DOP1A: variants seen among roughly 807,000 people sequenced by gnomAD.
DOP1A encodes protein DOP1A.
A neutral mutation model predicts 267.6 loss-of-function variants in DOP1A; 90 were observed. The observed-to-expected ratio is 0.34, with a 90% CI of 0.28 to 0.40. The LOEUF (loss-of-function observed/expected upper bound fraction) is 0.40. Among genes scored for constraint, DOP1A ranks in the 10% least tolerant of loss-of-function variants. The pLI, the probability that DOP1A is intolerant of heterozygous loss-of-function variation, is 1.00. For synonymous variants in DOP1A, 932 were observed against 999.1 expected (o/e 0.93, Z 1.27); for missense variants, 2,437 against 2,900.4 (o/e 0.84, Z 3.67).
intron 18 of DOP1A, among the ~76,000 whole-genome samples, chr6:83,132,844 T>G (rs1778293466): frequency 6.6e-6 from 1 of 152,200 alleles, no homozygotes; most frequent in African/African-American, 2.4e-5. Context: ...CAGTTAAAGG[T>G]GGCTGAGAAT....
At chr6:83,105,798 G>A (rs1773511549) in intron 4 of DOP1A, among the ~76,000 whole-genome samples, 1 of 152,140 alleles carries the variant, frequency 6.6e-6, no homozygotes, top group Admixed American at 6.5e-5. Context: ...TCTAATAATT[G>A]GTAGATTTTC....
chr6:83,083,278 C>T (rs1462460154), intron 1 of DOP1A, among the ~76,000 whole-genome samples: 3 of 151,930 alleles, frequency 2.0e-5, no homozygotes, highest in Non-Finnish European at 4.4e-5. Flanking sequence ...GGAAGAATAA[C>T]ATATGTATTT....
chr6:83,143,269 G>A (rs1484358904), intron 24 of DOP1A, among the ~76,000 whole-genome samples: 1 of 152,134 alleles, frequency 6.6e-6, no homozygotes, highest in Non-Finnish European at 1.5e-5. Flanking sequence ...AAGTGTGGTG[G>A]CATTTGCCTG....
Position 83,130,480 on chromosome 6 carries a change from T to C in DOP1A, c.2616+83T>C, listed in dbSNP as rs1777844866. 7 of 1,493,288 alleles carry C rather than the reference T, an allele frequency of 4.7e-6. No homozygotes were observed. The East Asian group carries it at 1.4e-4, about 29-fold the overall frequency. The allele number at this position is 1,493,288 out of a possible 1,614,324, so 92.5% of individuals were successfully genotyped here. ...ACCTAGTTTGCTTTAAGAATTATTT[T>C]TTAAATGTTAATAAAGCTTCATTTA... On this transcript the variant is annotated intron_variant, in intron 17 of 38. Transcript: ENST00000349129.
chr6:83,085,153 T>C (rs1768869728), intron 1 of DOP1A, among the ~76,000 whole-genome samples: 1 of 152,224 alleles, frequency 6.6e-6, no homozygotes, highest in African/African-American at 2.4e-5. Context: ...TTATTTTTCT[T>C]CTACAAAGCT....
At chr6:83,170,218 A>C, downstream of DOP1A, 23 of 1,228,500 alleles carry the variant, frequency 1.9e-5, no homozygotes, top group South Asian at 2.9e-4. Flanking sequence ...CTTAATCATC[A>C]TAGTGAGATT....
chr6:83,136,845 T>C (rs1778936730), intron 20 of DOP1A, among the ~76,000 whole-genome samples: 1 of 152,128 alleles, frequency 6.6e-6, no homozygotes, highest in Non-Finnish European at 1.5e-5. Flanking sequence ...TATGTACTAC[T>C]TTGTATGTCA....
intron 1 of DOP1A, chr6:83,072,998 T>A: frequency 2.7e-6 from 1 of 374,512 alleles, no homozygotes; most frequent in South Asian, 2.0e-5. Flanking sequence ...TTAAAGTTAG[T>A]CTCTGACATT....
intron 20 of DOP1A, among the ~76,000 whole-genome samples, chr6:83,136,755 A>T (rs1778920618): frequency 6.6e-6 from 1 of 152,000 alleles, no homozygotes; most frequent in South Asian, 2.1e-4. Context: ...TGTCTGCTGA[A>T]TTCTCACCTC....
At position 83,168,114 on chromosome 6, in the gene DOP1A, A is replaced by G; in HGVS notation, c.7345A>G (p.Lys2449Glu). The G allele has an allele frequency of 1.2e-6, 2 of 1,614,068 alleles. No homozygotes were observed. Among genetic ancestry groups the G allele is most frequent in the Non-Finnish European group, 1.7e-6 (2 of 1,180,014 alleles). ...HKPCSSKARQ[K>E]IEEMVEKDFL... ...ACCATGTTCCAGCAAAGCCAGGCAA[A>G]AAATAGAAGAGATGGTAGAAAAAGA... Residue 2449 changes from lysine to glutamate, a missense_variant, in exon 39 of 39, where the codon AAA (lysine) becomes GAA (glutamate). Around this residue, in one of 9 missense-constraint regions of DOP1A, gnomAD observed 197 missense variants for 246.5 expected, o/e 0.80. Transcript: ENST00000349129.
Position 83,100,896 on chromosome 6 carries a change from A to C in DOP1A, c.320+10A>C, listed in dbSNP as rs1290383553. ...ATCTTTTTTTATATAGGTAAGAATA[A>C]TTTTACTATATATATACAAATAATA... is the stretch of plus-strand genomic sequence containing the variant. On this transcript the variant is annotated intron_variant, in intron 4 of 38. Transcript: ENST00000349129. 6.9e-7 allele frequency: 1 copy of C among 1,449,752 alleles called. No homozygotes were observed. Among genetic ancestry groups the C allele is most frequent in the Non-Finnish European group, 9.2e-7 (1 of 1,081,482 alleles). The allele number at this position is 1,449,752 out of a possible 1,614,324, so 89.8% of individuals were successfully genotyped here. A position where few individuals can be genotyped will look rare whatever the true frequency, so the allele number is the denominator to read the frequency against.
intron 24 of DOP1A, 89 bp from the exon 25 acceptor site, chr6:83,145,435 A>G: frequency 1.7e-6 from 2 of 1,190,128 alleles, no homozygotes; most frequent in Non-Finnish European, 1.1e-6. Flanking sequence ...AAATATAAAA[A>G]AAGAAGAGAT....
chr6:83,117,728 A>C (rs1472565556), intron 7 of DOP1A, among the ~76,000 whole-genome samples: 2 of 152,184 alleles, frequency 1.3e-5, no homozygotes, highest in Non-Finnish European at 2.9e-5. Context: ...TTTATTTGTT[A>C]TGAATATGAA....
intron 31 of DOP1A, 30 bp downstream of exon 31, chr6:83,153,650 A>C: frequency 6.7e-7 from 1 of 1,494,514 alleles, no homozygotes; most frequent in South Asian, 1.3e-5. Context: ...AGTTTTTAAA[A>C]TTAATTCATA....
At chr6:83,142,529 AAAAAT>A (rs1469487545) in intron 24 of DOP1A, among the ~76,000 whole-genome samples, 5 of 152,104 alleles carry the variant, frequency 3.3e-5, no homozygotes, top group African/African-American at 9.7e-5. Flanking sequence ...AAATAAAGAT[AAAAAT>A]AAAATAAAAT....
At position 83,151,594 on chromosome 6, in the gene DOP1A, G is replaced by T; in HGVS notation, c.5839G>T (p.Val1947Phe). The T allele has an allele frequency of 6.2e-7, 1 of 1,602,138 alleles. No homozygotes were observed. Among genetic ancestry groups the T allele is most frequent in the Non-Finnish European group, 8.5e-7 (1 of 1,176,276 alleles). ...PAPGQFLILGVLNEFIMKNPS... is the reference protein window; with the variant it reads ...PAPGQFLILGFLNEFIMKNPS... ...CTGTTTTCTCTTTGGCCCTTTTAGG[G>T]TTCTGAATGAGTTTATTATGAAAAA... The change falls in exon 28 of 39, where the codon GTT becomes TTT. Residue 1947 changes from valine to phenylalanine, a missense_variant and splice_region_variant. Physicochemically the swap from Val to Phe is conservative, Grantham distance 50. This residue lies in a region of DOP1A where 216 missense variants were observed against 283.3 expected (regional missense o/e 0.76). Coordinates refer to ENST00000349129, the MANE Select transcript of DOP1A (RefSeq NM_015018.4).
chr6:83,071,670 T>C (rs972366484), intron 1 of DOP1A, among the ~76,000 whole-genome samples: 2 of 152,144 alleles, frequency 1.3e-5, no homozygotes, highest in Non-Finnish European at 1.5e-5. Context: ...AAAGCCTTAA[T>C]TGTAAATTAA....
In DOP1A at chr6:83,125,191, G is replaced by A; in HGVS notation, c.1481G>A (p.Cys494Tyr). Reference sequence around the variant, plus strand: ...CCTACTAGAAGTATGAGGGTGCTGTGTCAGGTATGACATTCAGCCTGTTTT... The same window carrying A: ...CCTACTAGAAGTATGAGGGTGCTGTATCAGGTATGACATTCAGCCTGTTTT... ...SLPTRSMRVLCQETYIEIQTE... is the reference protein window; with the variant it reads ...SLPTRSMRVLYQETYIEIQTE... Residue 494 changes from cysteine to tyrosine, a missense_variant, in exon 14 of 39, where the codon TGT (cysteine) becomes TAT (tyrosine). By Grantham distance (194) the Cys-to-Tyr change is radical. Transcript: ENST00000349129. The A allele has an allele frequency of 6.3e-7, 1 of 1,578,692 alleles. No individual in the cohort carries two copies. The highest frequency in any genetic ancestry group is 8.5e-7 in the Non-Finnish European group (1 of 1,169,724).
intron 3 of DOP1A, 122 bp downstream of exon 3, chr6:83,097,237 T>G: frequency 9.2e-7 from 1 of 1,085,268 alleles, no homozygotes; most frequent in Non-Finnish European, 1.3e-6. Context: ...TAGATTACTC[T>G]TGGTAGTGCT....
Sources: gnomAD v4.1 joint callset for allele counts (sites outside exome capture counted in the v4.1 genomes callset) on GRCh38, gnomAD v4.1.1 for gene constraint, gnomAD v4.1.1 regional missense constraint, MANE v1.5 for transcripts, NCBI Gene and HGNC (gene_info 2026-07-23, HGNC 2026-07-21) for gene names.